The following PTPN14 variants were observed in gnomAD, a reference collection of about 807,000 sequenced individuals.
PTPN14 encodes tyrosine-protein phosphatase non-receptor type 14.
Under a neutral mutation model 126.8 loss-of-function variants are expected in PTPN14, and 53 were observed. The observed-to-expected ratio is 0.42, with a 90% CI of 0.34 to 0.53. The LOEUF (loss-of-function observed/expected upper bound fraction) is 0.53, where lower values mean the gene tolerates loss of function less well. PTPN14 is among the 20% of genes least tolerant of loss of function. The pLI, the probability that PTPN14 is intolerant of heterozygous loss-of-function variation, is 0.08. For synonymous variants in PTPN14, 630 were observed against 599.3 expected, an observed-to-expected ratio of 1.05 and a Z score of -0.75; for missense variants, 1,257 against 1,552.9, an observed-to-expected ratio of 0.81 and a Z score of 3.20.
In PTPN14 at chr1:214,464,740, C is replaced by G; in HGVS notation, c.64G>C (p.Val22Leu). ...CTGTCCAGCAGGCGAATCCGTGTGA[C>G]AAAGCAGTTCTTGCTCAGGACGTTG... ...RYNVLSKNCF[V>L]TRIRLLDSNV... is the part of the protein sequence containing the mutation. The change falls in exon 2 of 19, where the codon GTC becomes CTC. Residue 22 changes from valine to leucine, a missense_variant. By Grantham distance (32) the Val-to-Leu change is conservative. Transcript: ENST00000366956. 2.5e-6 allele frequency: 4 copies of G among 1,614,288 alleles called. No individual in the cohort carries two copies. Among genetic ancestry groups the G allele is most frequent in the Non-Finnish European group, 3.4e-6 (4 of 1,180,054 alleles).
chr1:214,477,555 T>C (rs751325730), intron 1 of PTPN14, among the ~76,000 whole-genome samples: 5 of 152,192 alleles, frequency 3.3e-5, no homozygotes, highest in Non-Finnish European at 5.9e-5. Flanking sequence ...AACTTTACTG[T>C]TGTAAAAATA....
At chr1:214,409,347 G>T (rs1232423514) in intron 5 of PTPN14, among the ~76,000 whole-genome samples, 1 of 152,120 alleles carries the variant, frequency 6.6e-6, no homozygotes. Flanking sequence ...TCTGTGCCTG[G>T]ATTTTTCACT....
intron 17 of PTPN14, among the ~76,000 whole-genome samples, chr1:214,365,296 AG>A (rs1220705834): frequency 1.3e-5 from 2 of 152,170 alleles, no homozygotes; most frequent in African/African-American, 4.8e-5. Flanking sequence ...TGTGAGGTGG[AG>A]GGGGTCATGA....
intron 4 of PTPN14, among the ~76,000 whole-genome samples, chr1:214,411,961 T>G (rs910196233): frequency 6.6e-6 from 1 of 152,224 alleles, no homozygotes; most frequent in African/African-American, 2.4e-5. Flanking sequence ...TACATGAATT[T>G]TTAGAAATAA....
At chr1:214,373,131 T>C (rs975398817) in intron 15 of PTPN14, among the ~76,000 whole-genome samples, 1 of 152,196 alleles carries the variant, frequency 6.6e-6, no homozygotes, top group Admixed American at 6.5e-5. Flanking sequence ...CTTGGCTCAC[T>C]GCAACCTCCG....
At chr1:214,420,041 A>C (rs1269800794) in intron 3 of PTPN14, among the ~76,000 whole-genome samples, 2 of 152,216 alleles carry the variant, frequency 1.3e-5, no homozygotes, top group African/African-American at 4.8e-5. Flanking sequence ...ACTATCTAAA[A>C]GCTTTTACAT....
chr1:214,403,102 T>G, intron 5 of PTPN14, 149 bp from the exon 6 acceptor site: 1 of 707,094 alleles, frequency 1.4e-6, no homozygotes. Flanking sequence ...AAGGTTGTAA[T>G]TTTTAGAACT....
intron 1 of PTPN14, among the ~76,000 whole-genome samples, chr1:214,502,918 T>G (rs770937928): frequency 2.0e-5 from 3 of 152,214 alleles, no homozygotes; most frequent in Non-Finnish European, 4.4e-5. Flanking sequence ...AAAAATTAAG[T>G]GAAAAGTTGC....
chr1:214,398,871 C>T (rs907785569), intron 7 of PTPN14, among the ~76,000 whole-genome samples: 2 of 151,770 alleles, frequency 1.3e-5, no homozygotes, highest in Non-Finnish European at 2.9e-5. Context: ...CAGGTTCAAG[C>T]GATTCTCCTG....
chr1:214,451,006 T>C (rs924988986), intron 3 of PTPN14, among the ~76,000 whole-genome samples: 58 of 152,308 alleles, frequency 3.8e-4, no homozygotes, highest in African/African-American at 1.3e-3. Context: ...TCATCAAAAC[T>C]CCTGCTCTCG....
Position 214,398,015 on chromosome 1 carries a change from A to T in PTPN14, c.670-14T>A. ...TCCATGATTGTCCTGGGTAAGACCA[A>T]CAAAAGATACTTGTGATGACCCATG... On this transcript the variant is annotated splice_polypyrimidine_tract_variant and intron_variant, in intron 7 of 18. Transcript: ENST00000366956. 6.3e-7 allele frequency: 1 copy of T among 1,578,072 alleles called. No individual in the cohort carries two copies. The highest frequency in any genetic ancestry group is 8.7e-7 in the Non-Finnish European group (1 of 1,148,300).
intron 1 of PTPN14, among the ~76,000 whole-genome samples, chr1:214,534,006 T>C (rs1655632138): frequency 1.3e-5 from 2 of 152,194 alleles, no homozygotes; most frequent in Non-Finnish European, 2.9e-5. Flanking sequence ...TTTTACTCAA[T>C]GTAATAGATC....
intron 15 of PTPN14, among the ~76,000 whole-genome samples, chr1:214,374,445 G>A (rs1003100962): frequency 6.6e-6 from 1 of 152,202 alleles, no homozygotes; most frequent in African/African-American, 2.4e-5. Context: ...AATACTTCCA[G>A]AGAATGCTGC....
At chr1:214,468,884 T>C (rs1660696458) in intron 1 of PTPN14, among the ~76,000 whole-genome samples, 1 of 152,222 alleles carries the variant, frequency 6.6e-6, no homozygotes, top group Admixed American at 6.5e-5. Context: ...CCCACAGCCA[T>C]TGGTGCTTAT....
chr1:214,535,366 A>G (rs1367751061), intron 1 of PTPN14, among the ~76,000 whole-genome samples: 2 of 152,214 alleles, frequency 1.3e-5, no homozygotes, highest in Admixed American at 6.5e-5. Context: ...GCAAAAGTAA[A>G]TCTAGTGCAA....
At chr1:214,457,670 T>A (rs1660413226) in intron 2 of PTPN14, among the ~76,000 whole-genome samples, 1 of 152,254 alleles carries the variant, frequency 6.6e-6, no homozygotes, top group South Asian at 2.1e-4. Flanking sequence ...TAATTTTAAA[T>A]CTTCTAGAAG....
chr1:214,489,423 A>T (rs921269918), intron 1 of PTPN14, among the ~76,000 whole-genome samples: 3 of 152,154 alleles, frequency 2.0e-5, no homozygotes, highest in African/African-American at 7.2e-5. Context: ...TGGAACCACC[A>T]TACCGTTTCT....
At chr1:214,525,712 C>T (rs985990740) in intron 1 of PTPN14, among the ~76,000 whole-genome samples, 3 of 152,142 alleles carry the variant, frequency 2.0e-5, no homozygotes, top group Admixed American at 2.0e-4. Flanking sequence ...ACTAAGTCAA[C>T]AAAGACAAAG....
rs574679949 is a variant in PTPN14, at chr1:214,540,744, A to T, written c.-155+10439T>A. Among the ~76,000 whole-genome samples the T allele has an allele frequency of 7.3e-5, 11 of 150,620 alleles. No homozygotes were observed. In the East Asian group the frequency reaches 9.7e-4, roughly 13 times the overall value. On this transcript the variant is annotated intron_variant, in intron 1 of 18. Coordinates refer to ENST00000366956, the MANE Select transcript of PTPN14 (RefSeq NM_005401.5). ...AGCGTGAACAGCTATTTATTTATTTAAAAAAAAAATCCACCACCATAAAGC... is the reference window on the plus strand; with the variant it reads ...AGCGTGAACAGCTATTTATTTATTTTAAAAAAAAATCCACCACCATAAAGC...
Sources: gnomAD v4.1 joint callset for allele counts (sites outside exome capture counted in the v4.1 genomes callset) on GRCh38, gnomAD v4.1.1 for gene constraint, MANE v1.5 for transcripts, NCBI Gene and HGNC (gene_info 2026-07-23, HGNC 2026-07-21) for gene names.